Variants in OTULIN observed in about 807,000 individuals in gnomAD.
The protein encoded by OTULIN is OTU deubiquitinase with linear linkage specificity, also known as ubiquitin thioesterase otulin.
Under a neutral mutation model 39.6 loss-of-function variants are expected in OTULIN, and 15 were observed. The ratio of observed to expected loss-of-function variants is 0.38; its 90% CI spans 0.25 to 0.58. OTULIN has a LOEUF of 0.58. OTULIN is among the 20% of genes least tolerant of loss of function. OTULIN has a pLI of 0.66. For missense variants in OTULIN, 319 were observed against 445.9 expected, an observed-to-expected ratio of 0.72 and a Z score of 2.56; for synonymous variants, 156 against 170.3, an observed-to-expected ratio of 0.92 and a Z score of 0.65.
chr5:14,702,472 G>A (rs772811315), downstream of OTULIN, among the ~76,000 whole-genome samples: 17 of 152,210 alleles, frequency 1.1e-4, no homozygotes, highest in Non-Finnish European at 2.1e-4. Context: ...AGCGAAGGTG[G>A]AATTGGGCCT....
At chr5:14,686,781 G>T (rs1736398207) in intron 4 of OTULIN, among the ~76,000 whole-genome samples, 1 of 152,110 alleles carries the variant, frequency 6.6e-6, no homozygotes, top group Non-Finnish European at 1.5e-5. Flanking sequence ...ACTGCAGATT[G>T]TGTTGATAAC....
rs530893227 is a variant in OTULIN at position 14,687,242 on chromosome 5, A to C, written c.469-279A>C. Among the ~76,000 whole-genome samples, 6 of 152,184 alleles carry C rather than the reference A, an allele frequency of 3.9e-5. No individual in the cohort carries two copies. In the East Asian group the frequency reaches 1.2e-3, roughly 29 times the overall value. On this transcript the variant is annotated intron_variant, in intron 4 of 6. Transcript: ENST00000284274. The stretch of plus-strand genomic sequence containing the variant: ...GTGCTGTGGGCATGGCCTGCTGTGG[A>C]ATGTCCTGGCCGTGGTTGGAGTCCT...
chr5:14,669,373 G>T (rs1015706018), intron 1 of OTULIN, among the ~76,000 whole-genome samples: 1 of 150,956 alleles, frequency 6.6e-6, no homozygotes, highest in Non-Finnish European at 1.5e-5. Context: ...CTCAAAAAAA[G>T]AAAATAGGTA....
At chr5:14,710,214 A>AAGTT in the OTULIN span, 3 of 152,180 alleles carry the variant, frequency 2.0e-5, no homozygotes, top group Non-Finnish European at 2.9e-5. Context: ...TCTACTTCAA[A>AAGTT]AGTTACCCTA....
chr5:14,691,842 T>C (rs1191358148), intron 6 of OTULIN, among the ~76,000 whole-genome samples: 2 of 152,254 alleles, frequency 1.3e-5, no homozygotes, highest in Non-Finnish European at 2.9e-5. Context: ...AATCATATAA[T>C]ATGTGGTCTT....
At chr5:14,666,938 GATAT>G (rs1199549361) in intron 1 of OTULIN, among the ~76,000 whole-genome samples, 2 of 152,188 alleles carry the variant, frequency 1.3e-5, no homozygotes, top group Non-Finnish European at 2.9e-5. Context: ...CCTGCATGAT[GATAT>G]ATACAGCTTA....
chr5:14,701,646 C>T (rs546660640), downstream of OTULIN, among the ~76,000 whole-genome samples: 29 of 152,166 alleles, frequency 1.9e-4, no homozygotes, highest in East Asian at 1.4e-3. Flanking sequence ...TTGCCCTCCT[C>T]GTGTTGAGGG....
chr5:14,682,544 T>G (rs1736278046), intron 4 of OTULIN, among the ~76,000 whole-genome samples: 1 of 152,090 alleles, frequency 6.6e-6, no homozygotes, highest in Non-Finnish European at 1.5e-5. Context: ...GAAAGTCTTG[T>G]GCTTAAATTT....
At position 14,695,067 on chromosome 5, in the gene OTULIN, G is replaced by A. The variant is rs1228435633; in HGVS notation, c.*2019G>A. 1.3e-5 allele frequency: 2 copies of A among 152,144 alleles called. No homozygotes were observed. Among genetic ancestry groups the A allele is most frequent in the African/African-American group, 4.8e-5 (2 of 41,430 alleles). The allele number at this position is 152,144 out of a possible 1,614,324, so 9.4% of individuals were successfully genotyped here. On this transcript the variant is annotated 3_prime_UTR_variant, in exon 7 of 7. Coordinates refer to ENST00000284274, the MANE Select transcript of OTULIN (RefSeq NM_138348.6). ...TAATAGTCATCTATCCTTGCATTTT[G>A]AAACTGTTCTAATCTTAGTGAACTT...
At chr5:14,669,103 C>G (rs941681262) in intron 1 of OTULIN, among the ~76,000 whole-genome samples, 1 of 152,188 alleles carries the variant, frequency 6.6e-6, no homozygotes, top group African/African-American at 2.4e-5. Context: ...GTGGCTCACA[C>G]CTGTAATCCC....
rs926899343 is a variant in OTULIN at position 14,698,364 on chromosome 5, C to T, written c.*5316C>T. The T allele has an allele frequency of 6.6e-6, 1 of 152,230 alleles. No homozygotes were observed. The highest frequency in any genetic ancestry group is 1.5e-5 in the Non-Finnish European group (1 of 68,050). The allele number at this position is 152,230 out of a possible 1,614,324, so 9.4% of individuals were successfully genotyped here. ...TGTTCCGCATGTGTCCAAAATTTCG[C>T]CTGCTCTGAAAAACATGCCCCCGAG... On this transcript the variant is annotated 3_prime_UTR_variant, in exon 7 of 7. Coordinates refer to ENST00000284274, the MANE Select transcript of OTULIN (RefSeq NM_138348.6).
chr5:14,674,890 A>G (rs31925), intron 2 of OTULIN, among the ~76,000 whole-genome samples: 107,392 of 152,176 alleles, frequency 0.71, 39,510 homozygotes, highest in Middle Eastern at 0.85. Flanking sequence ...GAATTTAACA[A>G]TGTGAATGCA....
At chr5:14,712,231 GCTCT>G in the OTULIN span, among the ~76,000 whole-genome samples, 30 of 152,344 alleles carry the variant, frequency 2.0e-4, no homozygotes, top group South Asian at 2.3e-3. Context: ...CCGTGAGCAG[GCTCT>G]CTGAGTGGCC....
the OTULIN span, among the ~76,000 whole-genome samples, chr5:14,711,810 C>T: frequency 2.0e-5 from 3 of 152,224 alleles, no homozygotes; most frequent in Admixed American, 2.0e-4. Flanking sequence ...TGCCATGTTG[C>T]CTGTTCTTAC....
chr5:14,674,199 G>A (rs993232169), intron 2 of OTULIN: 2 of 153,922 alleles, frequency 1.3e-5, no homozygotes, highest in Non-Finnish European at 2.9e-5. Context: ...TGTTTTTCTT[G>A]TCTTGCCTGA....
intron 5 of OTULIN, 55 bp downstream of exon 5, chr5:14,687,701 C>T (rs1229163743): frequency 1.6e-5 from 24 of 1,511,220 alleles, no homozygotes; most frequent in Non-Finnish European, 2.0e-5. Context: ...TTCTTGCTTG[C>T]CCCAGAAGAC....
intron 1 of OTULIN, among the ~76,000 whole-genome samples, chr5:14,667,222 G>A (rs1454184789): frequency 6.6e-6 from 1 of 152,216 alleles, no homozygotes; most frequent in East Asian, 1.9e-4. Context: ...TTCGGGATGT[G>A]ACTCTGAAGG....
chr5:14,686,619 CT>C (rs1447536222), intron 4 of OTULIN, among the ~76,000 whole-genome samples: 1 of 152,188 alleles, frequency 6.6e-6, no homozygotes, highest in South Asian at 2.1e-4. Context: ...TGGAGGTGAA[CT>C]TTTTTTCCTT....
At chr5:14,689,341 C>T (rs1736464968) in intron 5 of OTULIN, among the ~76,000 whole-genome samples, 1 of 152,152 alleles carries the variant, frequency 6.6e-6, no homozygotes. Context: ...TTGAGAGGGG[C>T]ACTAGTTATT....
Sources: gnomAD v4.1 joint callset for allele counts (sites outside exome capture counted in the v4.1 genomes callset) on GRCh38, gnomAD v4.1.1 for gene constraint, MANE v1.5 for transcripts, NCBI Gene and HGNC (gene_info 2026-07-23, HGNC 2026-07-21) for gene names.